GFPT1: variants seen among roughly 807,000 people sequenced by gnomAD.
GFPT1 encodes glutamine--fructose-6-phosphate transaminase 1.
A neutral mutation model predicts 92.0 loss-of-function variants in GFPT1; 40 were observed. The ratio of observed to expected loss-of-function variants is 0.43; its 90% confidence interval spans 0.34 to 0.57. GFPT1 has a LOEUF of 0.57. GFPT1 is among the 20% of genes least tolerant of loss of function. GFPT1 has a pLI of 0.02. For synonymous variants in GFPT1, 269 were observed against 280.6 expected, an observed-to-expected ratio of 0.96 and a Z score of 0.41; for missense variants, 448 against 869.1, an observed-to-expected ratio of 0.52 and a Z score of 6.09.
At chr2:69,370,224 G>A in intron 2 of GFPT1, 116 bp from the exon 3 acceptor site, 2 of 720,076 alleles carry the variant, frequency 2.8e-6, no homozygotes, top group East Asian at 2.7e-5. Flanking sequence ...ATTCACTAAT[G>A]TATTAATTCA....
At chr2:69,351,696 A>C (rs1310525951) in intron 9 of GFPT1, among the ~76,000 whole-genome samples, 2 of 152,258 alleles carry the variant, frequency 1.3e-5, no homozygotes, top group Non-Finnish European at 2.9e-5. Context: ...ATGAAAACAA[A>C]GTAACTTTTC....
At chr2:69,364,266 G>A (rs991545560) in intron 3 of GFPT1, among the ~76,000 whole-genome samples, 7 of 152,010 alleles carry the variant, frequency 4.6e-5, no homozygotes, top group Non-Finnish European at 8.8e-5. Flanking sequence ...AAATATTGAA[G>A]GCAAATGGTT....
chr2:69,352,197 A>AGG (rs1671223526), intron 9 of GFPT1, among the ~76,000 whole-genome samples: 1 of 152,128 alleles, frequency 6.6e-6, no homozygotes, highest in African/African-American at 2.4e-5. Context: ...TGGGAGGTGG[A>AGG]GGTTGCAGTG....
chr2:69,322,997 T>C lies in GFPT1; in HGVS notation c.*3192A>G, dbSNP rs561717677. 4 of 152,346 alleles carry C rather than the reference T, an allele frequency of 2.6e-5. No homozygotes were observed. In the East Asian group the frequency reaches 7.7e-4, roughly 29 times the overall value. 9.4% of individuals were successfully genotyped at this position (152,346 alleles called of 1,614,324 possible). ...GGGACAAATACTGCTTTAAAGATGATGTAATTTTCAATGCCAACCACAGTG... is the reference window on the plus strand; with the variant it reads ...GGGACAAATACTGCTTTAAAGATGACGTAATTTTCAATGCCAACCACAGTG... On this transcript the variant is annotated 3_prime_UTR_variant, in exon 20 of 20. Transcript: ENST00000357308.
At chr2:69,347,101 G>A (rs1671101568) in intron 11 of GFPT1, among the ~76,000 whole-genome samples, 1 of 152,074 alleles carries the variant, frequency 6.6e-6, no homozygotes, top group South Asian at 2.1e-4. Flanking sequence ...AGTAGAAACA[G>A]GGTTTTGCTA....
chr2:69,323,403 T>C lies in GFPT1; in HGVS notation c.*2786A>G, dbSNP rs1205534528. The C allele has an allele frequency of 6.6e-6, 1 of 152,240 alleles. No homozygotes were observed. Among genetic ancestry groups the C allele is most frequent in the Admixed American group, 6.5e-5 (1 of 15,286 alleles). 9.4% of individuals were successfully genotyped at this position (152,240 alleles called of 1,614,324 possible). On this transcript the variant is annotated 3_prime_UTR_variant, in exon 20 of 20. Coordinates refer to ENST00000357308, the MANE Select transcript of GFPT1 (RefSeq NM_001244710.2). The stretch of plus-strand genomic sequence containing the variant: ...ACTTTAGTGGTGTGCCTCATTACAA[T>C]GTCTCTTTTGTGTTAAGAATTAACT...
At chr2:69,376,524 A>AG (rs1671875472) in intron 1 of GFPT1, among the ~76,000 whole-genome samples, 3 of 27,656 alleles carry the variant, frequency 1.1e-4, no homozygotes, top group South Asian at 1.8e-3. Context: ...ATCTCAAAAG[A>AG]AAAAAAAAAA....
chr2:69,387,089 C>T lies in GFPT1; in HGVS notation c.-18G>A. 1.3e-6 allele frequency: 2 copies of T among 1,536,738 alleles called. No individual in the cohort carries two copies. Among genetic ancestry groups the T allele is most frequent in the Admixed American group, 1.9e-5 (1 of 51,668 alleles). ...CCACACATGATGCCGGAGACACGGC[C>T]CGCGAGGCCAGGGGCGAGTGGCTGG... On this transcript the variant is annotated 5_prime_UTR_variant, in exon 1 of 20. Coordinates refer to ENST00000357308, the MANE Select transcript of GFPT1 (RefSeq NM_001244710.2).
chr2:69,357,624 G>C (rs1019128977), intron 6 of GFPT1, among the ~76,000 whole-genome samples: 2 of 152,222 alleles, frequency 1.3e-5, no homozygotes, highest in African/African-American at 4.8e-5. Flanking sequence ...AGGTGGGAGA[G>C]AAGTGAGGGC....
intron 14 of GFPT1, 55 bp from the exon 15 acceptor site, chr2:69,338,110 T>A: frequency 2.6e-6 from 4 of 1,517,560 alleles, no homozygotes; most frequent in Non-Finnish European, 3.7e-6. Context: ...CATATGCTGT[T>A]TCTTAGGAGC....
chr2:69,356,540 A>T lies in GFPT1; in HGVS notation c.561T>A (p.Leu187=). Reference sequence around the variant, plus strand: ...CGGGAAAATGAACACTTTTAAACACAAGTGCAAAAGCACCTTCCTAGGGAG... The same window carrying T: ...CGGGAAAATGAACACTTTTAAACACTAGTGCAAAAGCACCTTCCTAGGGAG... The part of the protein sequence containing the change: ...VIQQLEGAFA[L]VFKSVHFPGQ... The change falls in exon 7 of 20, where the codon CTT becomes CTA. Residue 187 remains leucine (L), a synonymous_variant. Coordinates refer to ENST00000357308, the MANE Select transcript of GFPT1 (RefSeq NM_001244710.2). 6.2e-7 allele frequency: 1 copy of T among 1,613,226 alleles called. No homozygotes were observed. Among genetic ancestry groups the T allele is most frequent in the Non-Finnish European group, 8.5e-7 (1 of 1,179,188 alleles).
chr2:69,382,987 ACT>A (rs1427127554), intron 1 of GFPT1, among the ~76,000 whole-genome samples: 1 of 152,136 alleles, frequency 6.6e-6, no homozygotes, highest in African/African-American at 2.4e-5. Context: ...CTTGAAGGCA[ACT>A]CTCTTATTTT....
At chr2:69,352,157 G>A (rs1438902749) in intron 9 of GFPT1, among the ~76,000 whole-genome samples, 4 of 152,108 alleles carry the variant, frequency 2.6e-5, no homozygotes, top group East Asian at 1.9e-4. Flanking sequence ...CAGCTATTCC[G>A]GAGGCTGAGG....
intron 3 of GFPT1, among the ~76,000 whole-genome samples, chr2:69,369,667 G>C (rs2104678969): frequency 6.6e-6 from 1 of 152,276 alleles, no homozygotes; most frequent in Middle Eastern, 3.4e-3. Flanking sequence ...GTGTAAAAGG[G>C]CATCACTAAA....
At chr2:69,348,697 T>G (rs1015573682) in intron 10 of GFPT1, among the ~76,000 whole-genome samples, 1 of 152,184 alleles carries the variant, frequency 6.6e-6, no homozygotes, top group Non-Finnish European at 1.5e-5. Context: ...TCGGGTGGAC[T>G]ACTGCAGCGA....
At chr2:69,372,165 A>T (rs1314734951) in intron 2 of GFPT1, among the ~76,000 whole-genome samples, 1 of 146,170 alleles carries the variant, frequency 6.8e-6, no homozygotes, top group Non-Finnish European at 1.5e-5. Flanking sequence ...ACGCCACTGC[A>T]CTCCAGCCTT....
intron 2 of GFPT1, among the ~76,000 whole-genome samples, chr2:69,372,881 C>A (rs1671785416): frequency 6.6e-6 from 1 of 152,208 alleles, no homozygotes; most frequent in South Asian, 2.1e-4. Flanking sequence ...TGGCCCTTCA[C>A]TGGTGTCTAG....
chr2:69,345,433 C>A (rs562777659), intron 12 of GFPT1, among the ~76,000 whole-genome samples: 1 of 152,294 alleles, frequency 6.6e-6, no homozygotes, highest in Admixed American at 6.5e-5. Context: ...TGCCCAGCAA[C>A]GGGACCAGGT....
chr2:69,338,621 G>A (rs145620751), intron 13 of GFPT1, 56 bp from the exon 14 acceptor site: 79 of 1,579,602 alleles, frequency 5.0e-5, no homozygotes, highest in Non-Finnish European at 6.4e-5. Context: ...TCTTTCATCG[G>A]ACTTCTTTGG....
Sources: allele counts gnomAD v4.1 joint callset (sites outside exome capture counted in the v4.1 genomes callset), GRCh38; gene constraint gnomAD v4.1.1; transcripts MANE v1.5; gene names NCBI Gene and HGNC (gene_info 2026-07-23, HGNC 2026-07-21).